Variants in FRS2 observed in about 807,000 individuals in gnomAD.
FRS2 encodes the protein fibroblast growth factor receptor substrate 2.
A neutral mutation model predicts 43.9 loss-of-function variants in FRS2; 8 were observed. That is an observed-to-expected ratio of 0.18 (90% confidence interval 0.11 to 0.33). FRS2 has a LOEUF of 0.33. FRS2 is among the 10% of genes least tolerant of loss of function. The pLI, the probability that FRS2 is intolerant of heterozygous loss-of-function variation, is 1.00. For missense variants in FRS2, 534 were observed against 627.6 expected (o/e 0.85, Z 1.59); for synonymous variants, 219 against 220.3 (o/e 0.99, Z 0.05).
At chr12:69,514,645 C>T in intron 1 of FRS2, among the ~76,000 whole-genome samples, 1 of 152,168 alleles carries the variant, frequency 6.6e-6, no homozygotes, top group Non-Finnish European at 1.5e-5. Flanking sequence ...CCAGCCTGGC[C>T]AACATGGCGA....
At chr12:69,476,187 C>T (rs1870751919) in intron 1 of FRS2, among the ~76,000 whole-genome samples, 1 of 152,168 alleles carries the variant, frequency 6.6e-6, no homozygotes, top group African/African-American at 2.4e-5. Context: ...TGTTAGCCTA[C>T]AGAGGACGTA....
At position 69,562,375 on chromosome 12, in the gene FRS2, G is replaced by A. The variant is rs904269265; in HGVS notation, c.-27+101G>A. The A allele has an allele frequency of 4.9e-5, 19 of 391,286 alleles. No homozygotes were observed. In the Admixed American group the frequency reaches 6.2e-4, roughly 13 times the overall value. 24.2% of individuals were successfully genotyped at this position (391,286 alleles called of 1,614,324 possible). ...AGATGAAGTCCTGTTATGTTGCCCA[G>A]GCGGTTTCTAACTCTTGAGCTCAAG... On this transcript the variant is annotated intron_variant, in intron 4 of 8. Transcript: ENST00000549921.
chr12:69,470,908 T>C (rs757182484), intron 1 of FRS2, among the ~76,000 whole-genome samples: 2 of 152,118 alleles, frequency 1.3e-5, no homozygotes, highest in Non-Finnish European at 2.9e-5. Flanking sequence ...AGACTCAATC[T>C]TGGGCTCCAG....
At chr12:69,559,720 A>G (rs748684138) in intron 3 of FRS2, among the ~76,000 whole-genome samples, 45 of 151,826 alleles carry the variant, frequency 3.0e-4, no homozygotes, top group Non-Finnish European at 5.9e-4. Flanking sequence ...AATAATTCAG[A>G]AATCTTTGTC....
intron 1 of FRS2, among the ~76,000 whole-genome samples, chr12:69,505,581 A>G (rs1253141414): frequency 6.6e-6 from 1 of 152,226 alleles, no homozygotes; most frequent in Non-Finnish European, 1.5e-5. Context: ...AGTACAGCAT[A>G]TAAGTTATAT....
chr12:69,482,008 TC>T (rs1325160765), intron 1 of FRS2, among the ~76,000 whole-genome samples: 3 of 151,546 alleles, frequency 2.0e-5, no homozygotes, highest in Admixed American at 1.3e-4. Context: ...TTTTTTTTTT[TC>T]CTTAGTGAAA....
chr12:69,561,479 A>G (rs1368781161), intron 3 of FRS2, among the ~76,000 whole-genome samples: 2 of 152,174 alleles, frequency 1.3e-5, no homozygotes, highest in South Asian at 2.1e-4. Flanking sequence ...TTTTCAGTAA[A>G]TTTTAGTGTC....
At chr12:69,479,498 A>G (rs911815765) in intron 1 of FRS2, among the ~76,000 whole-genome samples, 1 of 151,228 alleles carries the variant, frequency 6.6e-6, no homozygotes, top group Admixed American at 6.6e-5. Context: ...CCTGGGTTCA[A>G]GCAATTCTCC....
intron 3 of FRS2, among the ~76,000 whole-genome samples, chr12:69,545,812 A>G (rs1878352837): frequency 1.3e-5 from 2 of 151,914 alleles, no homozygotes; most frequent in African/African-American, 2.4e-5. Flanking sequence ...ACACTTGCAT[A>G]TATGGTCAAA....
intron 4 of FRS2, among the ~76,000 whole-genome samples, chr12:69,563,614 A>G (rs546055439): frequency 5.3e-5 from 8 of 152,290 alleles, no homozygotes; most frequent in African/African-American, 1.4e-4. Context: ...ACTGCTAGCA[A>G]AACAGCATAA....
chr12:69,508,268 T>A (rs1874142461), intron 1 of FRS2, among the ~76,000 whole-genome samples: 1 of 152,116 alleles, frequency 6.6e-6, no homozygotes, highest in African/African-American at 2.4e-5. Context: ...ACCCAAGAGT[T>A]GCAAATAATG....
chr12:69,573,921 A>G (rs1880970569), intron 8 of FRS2, 84 bp from the exon 9 acceptor site: 12 of 850,958 alleles, frequency 1.4e-5, no homozygotes, highest in Non-Finnish European at 2.2e-5. Context: ...ACTGTTGTCA[A>G]TAAAATTAAC....
rs1565771596 is a variant in FRS2, at chr12:69,556,017, GGGC to G, written c.-121-6160_-121-6158del. Among the ~76,000 whole-genome samples the G allele has an allele frequency of 1.7e-3, 254 of 149,988 alleles. 2 individuals are homozygous for G. Among genetic ancestry groups the G allele is most frequent in the African/African-American group, 5.9e-3 (240 of 40,734 alleles). ...ATCAGTGTGTGTGTGGCGGGGGGGGGGGCGGTGTACACATGGTATACACATTTC... is the reference window on the plus strand; with the variant it reads ...ATCAGTGTGTGTGTGGCGGGGGGGGGGGTGTACACATGGTATACACATTTC... On this transcript the variant is annotated intron_variant, in intron 3 of 8. Coordinates refer to ENST00000549921, the MANE Select transcript of FRS2 (RefSeq NM_001278356.2).
intron 3 of FRS2, among the ~76,000 whole-genome samples, chr12:69,542,440 A>G (rs994339475): frequency 5.3e-5 from 8 of 152,248 alleles, no homozygotes; most frequent in Non-Finnish European, 1.0e-4. Flanking sequence ...TAGCATTTGT[A>G]AGTAATCTAG....
At chr12:69,479,042 A>T (rs771718887) in intron 1 of FRS2, among the ~76,000 whole-genome samples, 1 of 151,704 alleles carries the variant, frequency 6.6e-6, no homozygotes. Context: ...CCAACAAATG[A>T]GATACTTTTG....
chr12:69,554,310 T>C lies in FRS2; in HGVS notation c.-121-7870T>C, dbSNP rs141962151. On this transcript the variant is annotated intron_variant, in intron 3 of 8. Coordinates refer to ENST00000549921, the MANE Select transcript of FRS2 (RefSeq NM_001278356.2). ...ATTCTACCACCAAATTAATCAGTGT[T>C]AACATTTTAGGGTGTGTTCATCTAG... 2.8e-4 allele frequency among the ~76,000 whole-genome samples: 42 copies of C among 152,318 alleles called. 1 individual carries two copies. The East Asian group carries it at 7.9e-3, about 29-fold the overall frequency.
At chr12:69,538,223 A>ATATATATG (rs1194377826) in intron 3 of FRS2, among the ~76,000 whole-genome samples, 25 of 100,184 alleles carry the variant, frequency 2.5e-4, no homozygotes, top group African/African-American at 9.3e-4. Flanking sequence ...ATATATATAT[A>ATATATATG]GCATTGCAGA....
At chr12:69,485,114 C>CGCGCACACACACACAG (rs1871766205) in intron 1 of FRS2, among the ~76,000 whole-genome samples, 1 of 147,232 alleles carries the variant, frequency 6.8e-6, no homozygotes, top group Admixed American at 6.8e-5. Flanking sequence ...CACACACACA[C>CGCGCACACACACACAG]ACACACACAC....
chr12:69,525,950 C>T (rs1055070035), intron 1 of FRS2, among the ~76,000 whole-genome samples: 4 of 152,076 alleles, frequency 2.6e-5, no homozygotes, highest in Admixed American at 2.0e-4. Context: ...CCTTCCGCCC[C>T]CTGGGTTCAA....
Sources: allele counts gnomAD v4.1 joint callset (sites outside exome capture counted in the v4.1 genomes callset), GRCh38; gene constraint gnomAD v4.1.1; transcripts MANE v1.5; gene names NCBI Gene and HGNC (gene_info 2026-07-23, HGNC 2026-07-21).